The following IQCM variants were observed in gnomAD, a reference collection of about 807,000 sequenced individuals.
IQCM encodes IQ domain-containing protein M.
Under a neutral mutation model 57.6 loss-of-function variants are expected in IQCM, and 45 were observed. The observed-to-expected ratio is 0.78, with a 90% CI of 0.62 to 1.00. The LOEUF is 1.00. Among genes scored for constraint, IQCM ranks in the 50% least tolerant of loss-of-function variants. The probability of loss-of-function intolerance (pLI) is 0.00; values close to 1 mark genes in which losing one functional copy is unlikely to be tolerated. For missense variants in IQCM, 468 were observed against 511.6 expected (o/e 0.91, Z 0.82); for synonymous variants, 148 against 158.9 (o/e 0.93, Z 0.51).
At chr4:149,434,925 T>C (rs1735204558) in intron 12 of IQCM, among the ~76,000 whole-genome samples, 1 of 152,108 alleles carries the variant, frequency 6.6e-6, no homozygotes, top group African/African-American at 2.4e-5. Flanking sequence ...AGTTCCACAA[T>C]GTGACATCAC....
At chr4:149,759,983 A>G (rs930925374) in intron 2 of IQCM, among the ~76,000 whole-genome samples, 5 of 151,330 alleles carry the variant, frequency 3.3e-5, no homozygotes, top group Admixed American at 2.0e-4. Flanking sequence ...AATATTAACA[A>G]AATGTATAAA....
rs17026347 is a variant in IQCM at position 149,643,902 on chromosome 4, A to G, written c.566-22658T>C. Among the ~76,000 whole-genome samples, 1,330 of 152,190 alleles carry G rather than the reference A, an allele frequency of 8.7e-3. 12 individuals carry two copies. The highest frequency in any genetic ancestry group is 0.03 in the African/African-American group (1,259 of 41,510). ...CCTTCTTACTCTTAATGTATTTCTG[A>G]TCATAATTTTATATTAACTGATGAA... On this transcript the variant is annotated intron_variant, in intron 7 of 13. Transcript: ENST00000636793.
intron 3 of IQCM, among the ~76,000 whole-genome samples, chr4:149,738,277 A>G (rs1767130381): frequency 6.6e-6 from 1 of 152,190 alleles, no homozygotes; most frequent in South Asian, 2.1e-4. Context: ...GGCTGGTCAC[A>G]CTGGTGAGAT....
chr4:149,593,186 G>T (rs1429046812), intron 8 of IQCM, among the ~76,000 whole-genome samples: 1 of 151,962 alleles, frequency 6.6e-6, no homozygotes, highest in African/African-American at 2.4e-5. Flanking sequence ...CCTTGTAATT[G>T]GATTCCTAGG....
intron 9 of IQCM, among the ~76,000 whole-genome samples, chr4:149,576,961 GT>G (rs1454761401): frequency 1.3e-5 from 2 of 151,778 alleles, no homozygotes; most frequent in African/African-American, 4.8e-5. Context: ...CTCATTGTAA[GT>G]TTGGTTTGCA....
chr4:149,558,786 T>A (rs1041099169), intron 10 of IQCM, among the ~76,000 whole-genome samples: 4 of 152,172 alleles, frequency 2.6e-5, no homozygotes, highest in Non-Finnish European at 5.9e-5. Flanking sequence ...ACATTCTTCT[T>A]CCATGAAAGA....
intron 8 of IQCM, among the ~76,000 whole-genome samples, chr4:149,610,759 G>A (rs1256960733): frequency 6.6e-6 from 1 of 151,974 alleles, no homozygotes; most frequent in Non-Finnish European, 1.5e-5. Context: ...TCAAAACTAT[G>A]AAAATACTAG....
intron 13 of IQCM, among the ~76,000 whole-genome samples, chr4:149,379,932 G>T (rs1730960854): frequency 6.6e-6 from 1 of 152,096 alleles, no homozygotes; most frequent in African/African-American, 2.4e-5. Context: ...CAAGGGGGTG[G>T]TTCCCCCATA....
At chr4:149,679,601 G>C (rs769010276) in intron 7 of IQCM, among the ~76,000 whole-genome samples, 1 of 151,330 alleles carries the variant, frequency 6.6e-6, no homozygotes, top group Non-Finnish European at 1.5e-5. Flanking sequence ...CAAATTACAT[G>C]AATGTATTAA....
chr4:149,599,015 T>C (rs1374130320), intron 8 of IQCM, among the ~76,000 whole-genome samples: 3 of 152,088 alleles, frequency 2.0e-5, no homozygotes, highest in African/African-American at 7.2e-5. Flanking sequence ...TATATATATA[T>C]AATATGACAT....
chr4:149,441,739 C>G (rs1423365845), intron 12 of IQCM, among the ~76,000 whole-genome samples: 2 of 152,136 alleles, frequency 1.3e-5, no homozygotes, highest in Non-Finnish European at 2.9e-5. Context: ...AGACAAGAGA[C>G]TTCTCCACAA....
intron 12 of IQCM, among the ~76,000 whole-genome samples, chr4:149,501,924 T>C (rs1743286565): frequency 6.6e-6 from 1 of 152,144 alleles, no homozygotes; most frequent in Non-Finnish European, 1.5e-5. Flanking sequence ...GTTCCCAATA[T>C]ATCAGTTTCA....
At chr4:149,555,634 C>T (rs931276955) in intron 10 of IQCM, among the ~76,000 whole-genome samples, 1 of 152,156 alleles carries the variant, frequency 6.6e-6, no homozygotes, top group African/African-American at 2.4e-5. Flanking sequence ...GAACTTAGTT[C>T]TCTAGACTTC....
At chr4:149,809,075 C>T (rs939526599) in intron 2 of IQCM, among the ~76,000 whole-genome samples, 1 of 152,078 alleles carries the variant, frequency 6.6e-6, no homozygotes, top group African/African-American at 2.4e-5. Flanking sequence ...AGAGTGTTTT[C>T]TCAGTTAAAA....
At chr4:149,369,755 TC>T (rs1730232908) in intron 13 of IQCM, among the ~76,000 whole-genome samples, 1 of 152,244 alleles carries the variant, frequency 6.6e-6, no homozygotes, top group African/African-American at 2.4e-5. Flanking sequence ...GTGCTTATAA[TC>T]TTTTGGGTTC....
At chr4:149,567,944 T>A (rs542129477) in intron 9 of IQCM, among the ~76,000 whole-genome samples, 6 of 152,312 alleles carry the variant, frequency 3.9e-5, no homozygotes, top group Admixed American at 3.9e-4. Context: ...TTCTTAGACA[T>A]TCAGCTGTTT....
intron 5 of IQCM, among the ~76,000 whole-genome samples, chr4:149,698,076 C>G (rs549116334): frequency 1.3e-5 from 2 of 151,916 alleles, no homozygotes; most frequent in South Asian, 2.1e-4. Flanking sequence ...CTGTGCTAGA[C>G]GGGTTGTCTG....
intron 13 of IQCM, among the ~76,000 whole-genome samples, chr4:149,394,770 T>C (rs2111101854): frequency 6.6e-6 from 1 of 152,138 alleles, no homozygotes; most frequent in Middle Eastern, 3.4e-3. Flanking sequence ...CATCACACAC[T>C]CTGAAGAGTT....
chr4:149,702,996 A>T (rs1763882579), intron 5 of IQCM, among the ~76,000 whole-genome samples: 1 of 151,954 alleles, frequency 6.6e-6, no homozygotes, highest in Non-Finnish European at 1.5e-5. Flanking sequence ...TGTGTGGGAC[A>T]GCCAACCTGC....
Sources: allele counts gnomAD v4.1 joint callset (sites outside exome capture counted in the v4.1 genomes callset), GRCh38; gene constraint gnomAD v4.1.1; transcripts MANE v1.5; gene names NCBI Gene and HGNC (gene_info 2026-07-23, HGNC 2026-07-21).